The following CDIN1 variants were observed in gnomAD, a reference collection of about 807,000 sequenced individuals.
The protein encoded by CDIN1 is CDAN1-interacting nuclease 1.
In CDIN1, 33 loss-of-function variants were observed where a neutral mutation model predicts 45.3. The ratio of observed to expected loss-of-function variants is 0.73; its 90% CI spans 0.55 to 0.97. CDIN1 has a LOEUF of 0.97. Ranked by LOEUF, CDIN1 falls within the 50% of genes least tolerant of loss-of-function variation. The pLI is 0.00. For synonymous variants in CDIN1, 118 were observed against 124.4 expected (o/e 0.95, Z 0.34); for missense variants, 303 against 339.4 (o/e 0.89, Z 0.84).
chr15:36,619,557 A>G (rs1194622715), intron 1 of CDIN1, among the ~76,000 whole-genome samples: 2 of 147,376 alleles, frequency 1.4e-5, no homozygotes, highest in East Asian at 3.9e-4. Flanking sequence ...TATTTTTTCT[A>G]TTTTTGTTTT....
intron 7 of CDIN1, 52 bp downstream of exon 7, chr15:36,692,227 T>G (rs1246729012): frequency 5.9e-6 from 9 of 1,515,986 alleles, no homozygotes; most frequent in Non-Finnish European, 8.2e-6. Context: ...TTAGACTCAG[T>G]GGAGATGTGT....
intron 1 of CDIN1, among the ~76,000 whole-genome samples, chr15:36,632,129 C>G (rs892887350): frequency 2.6e-5 from 4 of 152,180 alleles, no homozygotes; most frequent in African/African-American, 9.7e-5. Flanking sequence ...GCCACCATGC[C>G]TAACCATAAC....
intron 10 of CDIN1, among the ~76,000 whole-genome samples, chr15:36,756,913 A>G (rs1467848197): frequency 6.6e-6 from 1 of 152,166 alleles, no homozygotes; most frequent in Non-Finnish European, 1.5e-5. Context: ...AAGCCAGCTA[A>G]ATGACTTGTC....
chr15:36,794,023 A>AAG, intron 10 of CDIN1, among the ~76,000 whole-genome samples: 1 of 150,026 alleles, frequency 6.7e-6, no homozygotes, highest in Non-Finnish European at 1.5e-5. Context: ...GTGGTGAAAA[A>AAG]AAAAACCCCA....
At chr15:36,588,687 T>TA (rs2037421762) in intron 1 of CDIN1, among the ~76,000 whole-genome samples, 1 of 151,766 alleles carries the variant, frequency 6.6e-6, no homozygotes, top group Non-Finnish European at 1.5e-5. Context: ...TCTGTATTAT[T>TA]ATTATTATTT....
intron 10 of CDIN1, among the ~76,000 whole-genome samples, chr15:36,769,643 G>A (rs2054016404): frequency 6.6e-6 from 1 of 152,134 alleles, no homozygotes; most frequent in South Asian, 2.1e-4. Context: ...ACCATCACAG[G>A]TAGGTACTGT....
chr15:36,782,713 ATAAT>A (rs1265485793), intron 10 of CDIN1, among the ~76,000 whole-genome samples: 1 of 152,218 alleles, frequency 6.6e-6, no homozygotes, highest in Non-Finnish European at 1.5e-5. Flanking sequence ...ATTGAATGAA[ATAAT>A]TTATTATAGA....
chr15:36,712,984 G>A lies in CDIN1; in HGVS notation c.716+3023G>A, dbSNP rs188855183. ...ACAAAAAGTCTTCTAATCCTATTTC[G>A]CTAATCAAAAGGTGAGTTCTTTGAC... On this transcript the variant is annotated intron_variant, in intron 10 of 10. Coordinates refer to ENST00000566621, the MANE Select transcript of CDIN1 (RefSeq NM_001321759.2). 1.9e-4 allele frequency among the ~76,000 whole-genome samples: 29 copies of A among 152,134 alleles called. No individual in the cohort carries two copies. The East Asian group carries it at 5.4e-3, about 28-fold the overall frequency.
chr15:36,659,990 A>G (rs561897535), intron 5 of CDIN1, among the ~76,000 whole-genome samples: 8 of 11,278 alleles, frequency 7.1e-4, no homozygotes, highest in African/African-American at 1.5e-3. Context: ...TTTTTCTTAA[A>G]GAACTTTAAG....
intron 10 of CDIN1, among the ~76,000 whole-genome samples, chr15:36,738,593 G>C (rs1176562474): frequency 6.6e-6 from 1 of 152,094 alleles, no homozygotes; most frequent in African/African-American, 2.4e-5. Context: ...TGTCAAGTAC[G>C]TTGCTGCCCC....
intron 10 of CDIN1, among the ~76,000 whole-genome samples, chr15:36,783,598 A>G (rs942269143): frequency 2.0e-5 from 3 of 152,178 alleles, no homozygotes; most frequent in African/African-American, 7.2e-5. Context: ...CACTTGTTTA[A>G]ACAAGGCATA....
intron 1 of CDIN1, among the ~76,000 whole-genome samples, chr15:36,592,741 A>G (rs569350275): frequency 6.6e-6 from 1 of 152,092 alleles, no homozygotes; most frequent in Non-Finnish European, 1.5e-5. Context: ...GAACTTGCCT[A>G]AAGAATGCTG....
chr15:36,598,811 TTTTG>T (rs948263743), intron 1 of CDIN1, among the ~76,000 whole-genome samples: 5 of 152,254 alleles, frequency 3.3e-5, no homozygotes, highest in East Asian at 1.9e-4. Flanking sequence ...TAGTGAGTTT[TTTTG>T]TTTGTTTGTT....
At chr15:36,589,267 C>T (rs2037452679) in intron 1 of CDIN1, among the ~76,000 whole-genome samples, 1 of 151,898 alleles carries the variant, frequency 6.6e-6, no homozygotes, top group African/African-American at 2.4e-5. Context: ...GAAAAGTGAC[C>T]TTAATATATG....
chr15:36,587,540 A>T (rs748305778), intron 1 of CDIN1, among the ~76,000 whole-genome samples: 3 of 152,034 alleles, frequency 2.0e-5, no homozygotes, highest in Non-Finnish European at 4.4e-5. Flanking sequence ...GCTTGGGACA[A>T]GCACAGCAGT....
chr15:36,684,018 A>C (rs887105345), intron 5 of CDIN1, among the ~76,000 whole-genome samples: 1 of 149,168 alleles, frequency 6.7e-6, no homozygotes, highest in African/African-American at 2.5e-5. Context: ...TGTCGTCTGC[A>C]AACAGGGACA....
intron 10 of CDIN1, among the ~76,000 whole-genome samples, chr15:36,781,789 TCA>T (rs914607398): frequency 1.3e-5 from 2 of 152,208 alleles, no homozygotes; most frequent in African/African-American, 4.8e-5. Flanking sequence ...CTCAATGATC[TCA>T]GTTACTCCCT....
At chr15:36,629,730 A>C (rs1008288548) in intron 1 of CDIN1, among the ~76,000 whole-genome samples, 2 of 152,186 alleles carry the variant, frequency 1.3e-5, no homozygotes, top group Non-Finnish European at 2.9e-5. Context: ...AAAATCTTGA[A>C]AGCCAAACAA....
At chr15:36,696,529 A>G (rs1055349697) in intron 7 of CDIN1, 8 of 152,232 alleles carry the variant, frequency 5.3e-5, no homozygotes, top group African/African-American at 1.9e-4. Context: ...TACTGTACCT[A>G]TTAAGTGCTT....
Sources: gnomAD v4.1 joint callset for allele counts (sites outside exome capture counted in the v4.1 genomes callset) on GRCh38, gnomAD v4.1.1 for gene constraint, MANE v1.5 for transcripts, NCBI Gene and HGNC (gene_info 2026-07-23, HGNC 2026-07-21) for gene names.